Variants in CLHC1 observed in about 807,000 individuals in gnomAD.
CLHC1 encodes the protein clathrin heavy chain linker domain containing 1, also known as clathrin heavy chain linker domain-containing protein 1.
Under a neutral mutation model 69.5 loss-of-function variants are expected in CLHC1, and 72 were observed. The observed-to-expected ratio is 1.04, with a 90% CI of 0.86 to 1.26. The LOEUF (loss-of-function observed/expected upper bound fraction) is 1.26. Among genes scored for constraint, CLHC1 ranks in the 50% most tolerant of loss-of-function variants. The pLI is 0.00. For missense variants in CLHC1, 790 were observed against 679.3 expected (o/e 1.16, Z -1.81); for synonymous variants, 223 against 224.3 (o/e 0.99, Z 0.05).
Position 55,198,079 on chromosome 2 carries a change from G to T in CLHC1, c.1006+8191C>A, listed in dbSNP as rs542626586. Among the ~76,000 whole-genome samples the T allele has an allele frequency of 2.2e-4, 33 of 152,278 alleles. No individual in the cohort carries two copies. In the South Asian group the frequency reaches 6.8e-3, roughly 32 times the overall value. On this transcript the variant is annotated intron_variant, in intron 9 of 12. Coordinates refer to ENST00000401408, the MANE Select transcript of CLHC1 (RefSeq NM_152385.4). ...TTGACATGCTGAAGAATGCATCAAA[G>T]TCTCTCAGCAGCAGAATTAATCAAG... is the stretch of plus-strand genomic sequence containing the variant.
At chr2:55,203,785 C>A (rs879422282) in intron 9 of CLHC1, among the ~76,000 whole-genome samples, 1 of 151,816 alleles carries the variant, frequency 6.6e-6, no homozygotes. Context: ...TAAGCACAGG[C>A]AATTGAAGAA....
intron 9 of CLHC1, among the ~76,000 whole-genome samples, 186 bp from the exon 10 acceptor site, chr2:55,181,930 T>C (rs987876837): frequency 1.3e-5 from 2 of 152,078 alleles, no homozygotes; most frequent in African/African-American, 2.4e-5. Flanking sequence ...TCACGTGCCA[T>C]GTGAAGATGG....
Position 55,209,405 on chromosome 2 carries a change from T to A in CLHC1, c.813A>T (p.Gln271His). The A allele has an allele frequency of 6.4e-7, 1 of 1,565,226 alleles. No homozygotes were observed. The highest frequency in any genetic ancestry group is 1.8e-5 in the Admixed American group (1 of 54,878). Residue 271 changes from glutamine to histidine, a missense_variant and splice_region_variant, in exon 7 of 13, where the codon CAA becomes CAT. Transcript: ENST00000401408. ...VEQIQKTKYLQGDQGIVEELM... is the reference protein window; with the variant it reads ...VEQIQKTKYLHGDQGIVEELM... Reference sequence around the variant, plus strand: ...AATTTAAAAATATAGATAATCTACCTTGTAAATATTTGGTTTTCTGAATTT... The same window carrying A: ...AATTTAAAAATATAGATAATCTACCATGTAAATATTTGGTTTTCTGAATTT...
At chr2:55,193,784 A>G (rs1043185129) in intron 9 of CLHC1, among the ~76,000 whole-genome samples, 1 of 152,220 alleles carries the variant, frequency 6.6e-6, no homozygotes, top group African/African-American at 2.4e-5. Context: ...TCTACCTAAA[A>G]GAAATAAAAA....
At chr2:55,215,108 T>C (rs1235695982) in intron 4 of CLHC1, 2 of 152,196 alleles carry the variant, frequency 1.3e-5, no homozygotes, top group Non-Finnish European at 2.9e-5. Flanking sequence ...ATTATTTTCA[T>C]AGAGAATTTT....
At chr2:55,223,170 T>G (rs1274708470) in intron 2 of CLHC1, among the ~76,000 whole-genome samples, 2 of 152,056 alleles carry the variant, frequency 1.3e-5, no homozygotes, top group African/African-American at 4.8e-5. Flanking sequence ...ACAAACAAGG[T>G]CAACTATTTT....
chr2:55,181,796 T>C (rs1294450297), intron 9 of CLHC1, 52 bp from the exon 10 acceptor site: 1 of 1,435,970 alleles, frequency 7.0e-7, no homozygotes, highest in African/African-American at 1.4e-5. Context: ...AATAGTTTGC[T>C]TTTTCTTATC....
chr2:55,208,785 T>G, intron 7 of CLHC1, 75 bp from the exon 8 acceptor site: 1 of 1,009,610 alleles, frequency 9.9e-7, no homozygotes, highest in East Asian at 2.4e-5. Flanking sequence ...ATACATGTGT[T>G]TAATACCAAC....
intron 3 of CLHC1, among the ~76,000 whole-genome samples, chr2:55,221,094 G>A (rs951198040): frequency 6.6e-6 from 1 of 152,124 alleles, no homozygotes; most frequent in Non-Finnish European, 1.5e-5. Context: ...TTTATTTAGA[G>A]GAGAAATAAG....
intron 3 of CLHC1, among the ~76,000 whole-genome samples, chr2:55,220,440 A>G (rs559818813): frequency 9.9e-4 from 151 of 152,364 alleles, no homozygotes; most frequent in Middle Eastern, 3.4e-3. Context: ...TTCCATTTCT[A>G]GATCCCCTCT....
intron 3 of CLHC1, among the ~76,000 whole-genome samples, chr2:55,219,853 C>T (rs551987096): frequency 6.6e-6 from 1 of 152,302 alleles, no homozygotes; most frequent in East Asian, 1.9e-4. Flanking sequence ...TACAGGAACA[C>T]AAAAGGTCAG....
At chr2:55,209,970 A>G (rs868857489) in intron 5 of CLHC1, 139 bp from the exon 6 acceptor site, 15 of 575,638 alleles carry the variant, frequency 2.6e-5, no homozygotes, top group Middle Eastern at 5.2e-4. Flanking sequence ...CTTACTGAAC[A>G]TAAGTAAAAT....
intron 2 of CLHC1, chr2:55,224,310 G>T: frequency 4.3e-6 from 2 of 465,894 alleles, no homozygotes; most frequent in East Asian, 6.3e-5. Context: ...GCCGTCCTCT[G>T]GGAGTGTTTG....
chr2:55,223,872 T>A (rs1018019181), intron 2 of CLHC1: 1 of 152,118 alleles, frequency 6.6e-6, no homozygotes, highest in African/African-American at 2.4e-5. Context: ...CTCAGCTCAC[T>A]GCAAGCTCCG....
At chr2:55,209,375 G>T (rs1573714283) in intron 7 of CLHC1, 29 bp downstream of exon 7, 1 of 1,361,934 alleles carries the variant, frequency 7.3e-7, no homozygotes, top group Non-Finnish European at 1.0e-6. Context: ...TCCATTATTG[G>T]TACTAATTTA....
At position 55,223,579 on chromosome 2, in the gene CLHC1, GCGGCGTGT is replaced by G. The variant is rs1390905358; in HGVS notation, c.-82-1094_-82-1087del. On this transcript the variant is annotated intron_variant, in intron 2 of 12. Coordinates refer to ENST00000401408, the MANE Select transcript of CLHC1 (RefSeq NM_152385.4). Reference sequence around the variant, plus strand: ...TCGGCTTTGGGGACCGGATGGAGGAGCGGCGTGTCGGCCTCGGGGGACGGTTCCCCCGA... The same window carrying G: ...TCGGCTTTGGGGACCGGATGGAGGAGCGGCCTCGGGGGACGGTTCCCCCGA... Among the ~76,000 whole-genome samples, 301 of 152,226 alleles carry G rather than the reference GCGGCGTGT, an allele frequency of 2.0e-3. 2 individuals are homozygous for G. The highest frequency in any genetic ancestry group is 6.9e-3 in the African/African-American group (288 of 41,550).
chr2:55,215,327 G>A, intron 4 of CLHC1, among the ~76,000 whole-genome samples: 1 of 152,222 alleles, frequency 6.6e-6, no homozygotes, highest in Non-Finnish European at 1.5e-5. Flanking sequence ...TATTGTCTTT[G>A]TCCCATATTC....
intron 12 of CLHC1, among the ~76,000 whole-genome samples, chr2:55,176,994 C>A (rs1363788281): frequency 6.6e-6 from 1 of 152,138 alleles, no homozygotes; most frequent in Non-Finnish European, 1.5e-5. Flanking sequence ...CCACCTCATC[C>A]TCTCAAGTAG....
intron 9 of CLHC1, among the ~76,000 whole-genome samples, chr2:55,185,482 G>A (rs1330525584): frequency 6.6e-6 from 1 of 152,136 alleles, no homozygotes; most frequent in African/African-American, 2.4e-5. Flanking sequence ...CTATTAATAT[G>A]CCTTTTTTGA....
Sources: gnomAD v4.1 joint callset for allele counts (sites outside exome capture counted in the v4.1 genomes callset) on GRCh38, gnomAD v4.1.1 for gene constraint, MANE v1.5 for transcripts, NCBI Gene and HGNC (gene_info 2026-07-23, HGNC 2026-07-21) for gene names.